Variants in KNL1 observed in about 807,000 individuals in gnomAD.
KNL1 encodes the protein kinetochore scaffold 1.
KNL1 carries 66 observed loss-of-function variants against 201.3 expected under a neutral mutation model. The ratio of observed to expected loss-of-function variants is 0.33; its 90% CI spans 0.27 to 0.40. The LOEUF is 0.40. KNL1 is among the 10% of genes least tolerant of loss of function. The probability of loss-of-function intolerance (pLI) is 1.00; values close to 1 mark genes in which losing one functional copy is unlikely to be tolerated. For missense variants in KNL1, 2,815 were observed against 2,690.5 expected, an observed-to-expected ratio of 1.05 and a Z score of -1.02; for synonymous variants, 895 against 899.2, an observed-to-expected ratio of 1.00 and a Z score of 0.08.
chr15:40,604,418 C>T (rs926297095), intron 2 of KNL1, among the ~76,000 whole-genome samples: 4 of 152,098 alleles, frequency 2.6e-5, no homozygotes, highest in African/African-American at 9.7e-5. Context: ...TGCTTTGTTG[C>T]CCAGGCTAGA....
intron 19 of KNL1, 83 bp downstream of exon 19, chr15:40,650,666 G>A: frequency 2.4e-6 from 3 of 1,269,994 alleles, no homozygotes; most frequent in Non-Finnish European, 3.2e-6. Flanking sequence ...AGACTGACAG[G>A]ATTTGGGGAC....
At chr15:40,660,879 C>G (rs1308061653) in intron 25 of KNL1, among the ~76,000 whole-genome samples, 1 of 151,884 alleles carries the variant, frequency 6.6e-6, no homozygotes, top group East Asian at 1.9e-4. Context: ...GGGAGGATTG[C>G]TTGAGCCTGG....
intron 8 of KNL1, chr15:40,616,057 GC>G (rs1198881690): frequency 1.4e-5 from 2 of 147,350 alleles, no homozygotes; most frequent in African/African-American, 5.0e-5. Flanking sequence ...GAGCCACCGC[GC>G]CTGGCCCAGG....
chr15:40,642,612 ATGTT>A (rs1186267051), intron 14 of KNL1, among the ~76,000 whole-genome samples: 1 of 151,882 alleles, frequency 6.6e-6, no homozygotes, highest in South Asian at 2.1e-4. Flanking sequence ...TTCCCTGAGA[ATGTT>A]TGTTTGTTTG....
intron 25 of KNL1, 118 bp from the exon 26 acceptor site, chr15:40,661,956 G>A (rs1487631972): frequency 2.5e-5 from 14 of 569,392 alleles, no homozygotes; most frequent in Non-Finnish European, 4.5e-5. Context: ...CAGGAGAATG[G>A]CATGAACCCG....
rs368069491 is a variant in KNL1 at position 40,622,048 on chromosome 15, C to T, written c.1784C>T (p.Pro595Leu). ...CCTCTTGCAGCTTATAATCTAGCAC[C>T]GGAGAGTACCAGTGAATCTCACTCT... ...QVPLAAYNLA[P>L]ESTSESHSQS... is the part of the protein sequence containing the mutation. The change falls in exon 10 of 26, where the codon CCG becomes CTG. Residue 595 changes from proline to leucine, a missense_variant. Physicochemically the swap from Pro to Leu is moderately conservative, Grantham distance 98 (BLOSUM62 -3). This residue lies in a region of KNL1 where 2,464 missense variants were observed against 2,291.7 expected (regional missense o/e 1.08). Transcript: ENST00000399668. 140 of 1,613,700 alleles carry T rather than the reference C, an allele frequency of 8.7e-5. 1 individual carries two copies. The highest frequency in any genetic ancestry group is 1.1e-4 in the Non-Finnish European group (126 of 1,179,848).
At chr15:40,651,641 G>A (rs1893567753) in intron 20 of KNL1, 69 bp downstream of exon 20, 4 of 1,058,598 alleles carry the variant, frequency 3.8e-6, no homozygotes, top group East Asian at 2.5e-5. Flanking sequence ...ACCGATTGGA[G>A]CAATTGATGT....
chr15:40,605,801 C>T (rs182909235), intron 3 of KNL1, among the ~76,000 whole-genome samples: 30 of 152,244 alleles, frequency 2.0e-4, no homozygotes, highest in African/African-American at 4.8e-4. Flanking sequence ...AAAAATCCAA[C>T]GAAGGGATGG....
chr15:40,651,072 A>G (rs1893542078), intron 19 of KNL1, among the ~76,000 whole-genome samples: 1 of 151,450 alleles, frequency 6.6e-6, no homozygotes, highest in African/African-American at 2.4e-5. Context: ...AACCAAATAC[A>G]GGCAAAAAAA....
At chr15:40,603,327 A>G (rs1414428191) in intron 2 of KNL1, among the ~76,000 whole-genome samples, 1 of 152,190 alleles carries the variant, frequency 6.6e-6, no homozygotes, top group Non-Finnish European at 1.5e-5. Context: ...TACGAGTGAG[A>G]ACATGCGGTG....
At chr15:40,616,088 G>T (rs1892335349) in intron 8 of KNL1, among the ~76,000 whole-genome samples, 1 of 146,128 alleles carries the variant, frequency 6.8e-6, no homozygotes, top group South Asian at 2.2e-4. Context: ...TTTACACATT[G>T]TCTTCAATTT....
In KNL1 at chr15:40,610,269, GA is replaced by G; in HGVS notation, c.226del (p.Ile76Ter). ...GGGTATTCCAGACGGAGTCTCATATGAAAATAGTGAGAAAGTCAGAAATGGA... is the reference window on the plus strand; with the variant it reads ...GGGTATTCCAGACGGAGTCTCATATGAAATAGTGAGAAAGTCAGAAATGGA... ...IKVFQTESHM[K>X]IVRKSEMEET... On this transcript the variant is annotated frameshift_variant, in exon 6 of 26. Transcript: ENST00000399668. LOFTEE classifies it high-confidence loss of function. 6.6e-7 allele frequency: 1 copy of G among 1,524,748 alleles called. No homozygotes were observed. The highest frequency in any genetic ancestry group is 9.1e-7 in the Non-Finnish European group (1 of 1,100,174). The allele number at this position is 1,524,748 out of a possible 1,614,324, so 94.5% of individuals were successfully genotyped here.
chr15:40,602,684 CA>C (rs1891847388), intron 1 of KNL1, among the ~76,000 whole-genome samples: 1 of 151,338 alleles, frequency 6.6e-6, no homozygotes, highest in South Asian at 2.1e-4. Flanking sequence ...GGGGTTTCTC[CA>C]TGTTGGTCAG....
At chr15:40,647,635 C>T (rs563433470) in intron 17 of KNL1, among the ~76,000 whole-genome samples, 4 of 152,106 alleles carry the variant, frequency 2.6e-5, no homozygotes, top group African/African-American at 7.2e-5. Context: ...AACCGTCTAT[C>T]CTTTCAGTTT....
intron 19 of KNL1, among the ~76,000 whole-genome samples, chr15:40,650,937 C>G (rs1243191585): frequency 6.6e-6 from 1 of 151,962 alleles, no homozygotes; most frequent in Non-Finnish European, 1.5e-5. Flanking sequence ...GAAATAATGA[C>G]AAAGCCACTA....
At chr15:40,626,705 A>G (rs1287249194) in intron 10 of KNL1, among the ~76,000 whole-genome samples, 1 of 149,272 alleles carries the variant, frequency 6.7e-6, no homozygotes, top group Non-Finnish European at 1.5e-5. Context: ...TCAGCCTCCC[A>G]AGTAGATGGG....
chr15:40,627,616 A>G (rs992183085), intron 10 of KNL1, among the ~76,000 whole-genome samples: 1 of 152,210 alleles, frequency 6.6e-6, no homozygotes, highest in Non-Finnish European at 1.5e-5. Context: ...GCAGGACCAC[A>G]TAACTTATTC....
At chr15:40,638,252 G>A (rs1399560091) in intron 13 of KNL1, among the ~76,000 whole-genome samples, 1 of 45,290 alleles carries the variant, frequency 2.2e-5, no homozygotes, top group Non-Finnish European at 5.0e-5. Context: ...GGGAAGGGAG[G>A]GGGGAGGGGG....
intron 10 of KNL1, among the ~76,000 whole-genome samples, chr15:40,627,536 CA>C (rs75184981): frequency 0.087 from 13,165 of 151,032 alleles, 624 homozygotes; most frequent in African/African-American, 0.13. Context: ...AAAAACTTAC[CA>C]AAAGCATGTA....
Sources: allele counts gnomAD v4.1 joint callset (sites outside exome capture counted in the v4.1 genomes callset), GRCh38; gene constraint gnomAD v4.1.1; regional missense constraint gnomAD v4.1.1; transcripts MANE v1.5; gene names NCBI Gene and HGNC (gene_info 2026-07-23, HGNC 2026-07-21).